ZMAT4: variants seen among roughly 807,000 people sequenced by gnomAD.
ZMAT4 encodes the protein zinc finger matrin-type 4, also known as zinc finger matrin-type protein 4.
In ZMAT4, 17 loss-of-function variants were observed where a neutral mutation model predicts 28.7. The observed-to-expected ratio is 0.59, with a 90% CI of 0.41 to 0.89. The LOEUF is 0.89. Ranked by LOEUF, ZMAT4 falls within the 40% of genes least tolerant of loss-of-function variation. The probability of loss-of-function intolerance (pLI) is 0.00; values close to 1 mark genes in which losing one functional copy is unlikely to be tolerated. For synonymous variants in ZMAT4, 117 were observed against 109.2 expected, an observed-to-expected ratio of 1.07 and a Z score of -0.44; for missense variants, 240 against 283.8, an observed-to-expected ratio of 0.85 and a Z score of 1.11.
At chr8:40,726,779 A>C (rs1811332254) in intron 3 of ZMAT4, among the ~76,000 whole-genome samples, 1 of 152,218 alleles carries the variant, frequency 6.6e-6, no homozygotes, top group Non-Finnish European at 1.5e-5. Flanking sequence ...GTGGCAACAG[A>C]AACAATATGG....
chr8:40,698,771 G>T (rs1299727492), intron 3 of ZMAT4, among the ~76,000 whole-genome samples: 1 of 152,150 alleles, frequency 6.6e-6, no homozygotes, highest in Non-Finnish European at 1.5e-5. Flanking sequence ...TCCTTGGAAG[G>T]AAGGGGTTGT....
intron 6 of ZMAT4, among the ~76,000 whole-genome samples, chr8:40,535,755 T>C (rs1802825787): frequency 6.6e-6 from 1 of 152,096 alleles, no homozygotes; most frequent in East Asian, 1.9e-4. Flanking sequence ...ACTTTGACCA[T>C]GTGAGTTTGA....
chr8:40,572,677 G>C (rs909198058), intron 6 of ZMAT4, among the ~76,000 whole-genome samples: 3 of 152,092 alleles, frequency 2.0e-5, no homozygotes, highest in Non-Finnish European at 2.9e-5. Context: ...TGGAAGCTCT[G>C]AAAAGTCTAC....
intron 3 of ZMAT4, among the ~76,000 whole-genome samples, chr8:40,766,387 T>C (rs1813161148): frequency 6.6e-6 from 1 of 152,232 alleles, no homozygotes; most frequent in Admixed American, 6.5e-5. Flanking sequence ...CCACTTCATT[T>C]AATGTTCACC....
intron 2 of ZMAT4, among the ~76,000 whole-genome samples, chr8:40,802,902 C>G (rs557280355): frequency 6.6e-6 from 1 of 152,226 alleles, no homozygotes; most frequent in South Asian, 2.1e-4. Context: ...AAATCAAAAG[C>G]CCAGAAATAG....
At chr8:40,735,521 G>A (rs1300001504) in intron 3 of ZMAT4, among the ~76,000 whole-genome samples, 1 of 152,058 alleles carries the variant, frequency 6.6e-6, no homozygotes, top group East Asian at 1.9e-4. Context: ...TTTTTTAAAA[G>A]CATTACTAAA....
intron 5 of ZMAT4, among the ~76,000 whole-genome samples, chr8:40,664,205 C>T (rs1271640368): frequency 6.6e-6 from 1 of 152,158 alleles, no homozygotes; most frequent in Non-Finnish European, 1.5e-5. Context: ...AGGGGAGCTT[C>T]CTCCAGATGC....
intron 5 of ZMAT4, among the ~76,000 whole-genome samples, chr8:40,627,504 A>G (rs1363770019): frequency 1.3e-5 from 2 of 152,226 alleles, no homozygotes; most frequent in African/African-American, 4.8e-5. Flanking sequence ...GTGGATGAAG[A>G]AAATATATGT....
chr8:40,838,843 T>C (rs1438546149), intron 1 of ZMAT4, among the ~76,000 whole-genome samples: 1 of 152,096 alleles, frequency 6.6e-6, no homozygotes, highest in Non-Finnish European at 1.5e-5. Context: ...GGGCGGGACA[T>C]GAAGGCAATT....
At chr8:40,815,792 T>G (rs1440064738) in intron 2 of ZMAT4, among the ~76,000 whole-genome samples, 1 of 152,180 alleles carries the variant, frequency 6.6e-6, no homozygotes, top group East Asian at 1.9e-4. Context: ...AAGAGAAAAG[T>G]CTAAGTCAAT....
At chr8:40,886,810 C>G (rs561635304) in intron 1 of ZMAT4, among the ~76,000 whole-genome samples, 53 of 152,250 alleles carry the variant, frequency 3.5e-4, no homozygotes, top group African/African-American at 1.2e-3. Flanking sequence ...GAAAATCCTC[C>G]TATCCTAACC....
chr8:40,700,484 C>T (rs973179801), intron 3 of ZMAT4, among the ~76,000 whole-genome samples: 1 of 129,898 alleles, frequency 7.7e-6, no homozygotes, highest in Admixed American at 9.6e-5. Context: ...GTGGTGCTAT[C>T]GTAGCTCATT....
At chr8:40,844,974 C>T (rs1816831100) in intron 1 of ZMAT4, among the ~76,000 whole-genome samples, 1 of 152,124 alleles carries the variant, frequency 6.6e-6, no homozygotes, top group African/African-American at 2.4e-5. Context: ...AAGGATGGTC[C>T]ACTGGGTGAC....
At chr8:40,801,351 A>AATAT (rs1554559737) in intron 2 of ZMAT4, among the ~76,000 whole-genome samples, 1,852 of 97,240 alleles carry the variant, frequency 0.019, 33 homozygotes, top group Middle Eastern at 0.061. Context: ...TAAAAAAAAA[A>AATAT]ATATATATAT....
At chr8:40,541,523 A>G (rs1334596056) in intron 6 of ZMAT4, among the ~76,000 whole-genome samples, 4 of 152,216 alleles carry the variant, frequency 2.6e-5, no homozygotes, top group African/African-American at 9.7e-5. Flanking sequence ...TCAGTTCCTC[A>G]GTCACACTAG....
At chr8:40,861,924 G>A (rs1817507459) in intron 1 of ZMAT4, among the ~76,000 whole-genome samples, 1 of 152,074 alleles carries the variant, frequency 6.6e-6, no homozygotes, top group South Asian at 2.1e-4. Flanking sequence ...GAAACAACAG[G>A]TGCTGGAGAG....
intron 6 of ZMAT4, among the ~76,000 whole-genome samples, chr8:40,547,282 A>G (rs1208201663): frequency 6.6e-6 from 1 of 152,098 alleles, no homozygotes; most frequent in Non-Finnish European, 1.5e-5. Flanking sequence ...TGTTTTGTTG[A>G]TGGTGTTTGT....
intron 1 of ZMAT4, among the ~76,000 whole-genome samples, chr8:40,887,581 C>T (rs1385374771): frequency 6.6e-6 from 1 of 151,852 alleles, no homozygotes; most frequent in African/African-American, 2.4e-5. Flanking sequence ...TTAAAGAAAT[C>T]AGAAGTCATG....
chr8:40,703,290 A>G, intron 3 of ZMAT4, among the ~76,000 whole-genome samples: 1 of 152,360 alleles, frequency 6.6e-6, no homozygotes, highest in East Asian at 1.9e-4. Context: ...TTATAGCCAC[A>G]TCATTCATAA....
Sources: allele counts gnomAD v4.1 joint callset (sites outside exome capture counted in the v4.1 genomes callset), GRCh38; gene constraint gnomAD v4.1.1; transcripts MANE v1.5; gene names NCBI Gene and HGNC (gene_info 2026-07-23, HGNC 2026-07-21).